The following RAPGEF5 variants were observed in gnomAD, a reference collection of about 807,000 sequenced individuals.
RAPGEF5 encodes M-Ras-regulated GEF.
Under a neutral mutation model 125.2 loss-of-function variants are expected in RAPGEF5, and 65 were observed. The observed-to-expected ratio is 0.52, with a 90% CI of 0.43 to 0.64. RAPGEF5 has a LOEUF of 0.64. Ranked by LOEUF, RAPGEF5 falls within the 30% of genes least tolerant of loss-of-function variation. The pLI is 0.00. For missense variants in RAPGEF5, 958 were observed against 1,048.1 expected, an observed-to-expected ratio of 0.91 and a Z score of 1.19; for synonymous variants, 391 against 385.9, an observed-to-expected ratio of 1.01 and a Z score of -0.16.
At chr7:22,143,655 T>G (rs1409243400) in intron 20 of RAPGEF5, among the ~76,000 whole-genome samples, 2 of 152,228 alleles carry the variant, frequency 1.3e-5, no homozygotes, top group African/African-American at 4.8e-5. Context: ...AATTCCTACC[T>G]GTCACATCCC....
intron 9 of RAPGEF5, among the ~76,000 whole-genome samples, chr7:22,210,195 C>A (rs2128130265): frequency 6.6e-6 from 1 of 152,260 alleles, no homozygotes; most frequent in East Asian, 1.9e-4. Flanking sequence ...TCATCACAAA[C>A]CCCCAATTTG....
chr7:22,184,004 A>G (rs1188930252), intron 11 of RAPGEF5, among the ~76,000 whole-genome samples: 3 of 152,114 alleles, frequency 2.0e-5, no homozygotes, highest in South Asian at 2.1e-4. Context: ...CTAGAACCCT[A>G]TAATACTTTG....
At chr7:22,137,027 G>A in intron 21 of RAPGEF5, 44 bp from the exon 22 acceptor site, 10 of 1,461,134 alleles carry the variant, frequency 6.8e-6, no homozygotes, top group Non-Finnish European at 9.4e-6. Flanking sequence ...CACAGAAGTT[G>A]GTTATTTTCA....
chr7:22,299,216 G>T (rs1317219612), intron 5 of RAPGEF5, among the ~76,000 whole-genome samples: 2 of 151,550 alleles, frequency 1.3e-5, no homozygotes, highest in Non-Finnish European at 2.9e-5. Context: ...AAAATCTATC[G>T]ATATTCCTCT....
chr7:22,155,094 T>A (rs780100975), intron 16 of RAPGEF5, among the ~76,000 whole-genome samples: 20 of 152,226 alleles, frequency 1.3e-4, no homozygotes, highest in Non-Finnish European at 2.5e-4. Context: ...TATTTTGCTA[T>A]TAGAATTCTC....
At chr7:22,157,651 T>A (rs1339949382) in intron 15 of RAPGEF5, among the ~76,000 whole-genome samples, 1 of 152,044 alleles carries the variant, frequency 6.6e-6, no homozygotes, top group East Asian at 1.9e-4. Flanking sequence ...AAGCCAAGGG[T>A]ACACAGCTAA....
chr7:22,167,527 G>A (rs1044476357), intron 11 of RAPGEF5, among the ~76,000 whole-genome samples: 24 of 152,064 alleles, frequency 1.6e-4, no homozygotes, highest in Admixed American at 7.9e-4. Context: ...CAAGTCCTAC[G>A]GGGAATAAAG....
At chr7:22,272,721 A>C (rs1378137952) in intron 6 of RAPGEF5, among the ~76,000 whole-genome samples, 1 of 152,180 alleles carries the variant, frequency 6.6e-6, no homozygotes, top group Non-Finnish European at 1.5e-5. Flanking sequence ...AGAAAAAATA[A>C]ATAAATATGC....
intron 24 of RAPGEF5, among the ~76,000 whole-genome samples, chr7:22,126,100 G>A (rs919461855): frequency 3.3e-5 from 5 of 152,184 alleles, no homozygotes; most frequent in Non-Finnish European, 7.3e-5. Context: ...AGTGAGCCAA[G>A]ATCCCATCAC....
chr7:22,268,407 G>A (rs548234979), intron 6 of RAPGEF5, among the ~76,000 whole-genome samples: 5 of 152,248 alleles, frequency 3.3e-5, no homozygotes, highest in Admixed American at 6.5e-5. Flanking sequence ...GAAAACCTTC[G>A]TAAGTACTGG....
chr7:22,257,084 AT>A (rs753816355), intron 7 of RAPGEF5, among the ~76,000 whole-genome samples: 5 of 152,162 alleles, frequency 3.3e-5, no homozygotes, highest in Non-Finnish European at 7.4e-5. Flanking sequence ...ATTAATGCTC[AT>A]TTTAATAACC....
At chr7:22,293,019 A>G (rs1024249263) in intron 5 of RAPGEF5, among the ~76,000 whole-genome samples, 12 of 152,216 alleles carry the variant, frequency 7.9e-5, no homozygotes, top group Non-Finnish European at 1.6e-4. Context: ...ACTGTCTTTC[A>G]TTGATCTTCC....
intron 15 of RAPGEF5, among the ~76,000 whole-genome samples, chr7:22,157,104 A>C (rs1583424422): frequency 6.6e-6 from 1 of 152,232 alleles, no homozygotes; most frequent in East Asian, 1.9e-4. Context: ...TAAGGCCAGC[A>C]GCAGGCCAAA....
intron 6 of RAPGEF5, 91 bp from the exon 7 acceptor site, chr7:22,267,103 T>C: frequency 8.1e-7 from 1 of 1,231,278 alleles, no homozygotes; most frequent in East Asian, 2.5e-5. Context: ...CCAACCCAAA[T>C]TCAGAGCTGT....
intron 1 of RAPGEF5, among the ~76,000 whole-genome samples, chr7:22,322,295 T>C (rs751346886): frequency 1.3e-5 from 2 of 151,622 alleles, no homozygotes; most frequent in Non-Finnish European, 2.9e-5. Context: ...ACCACCACCA[T>C]GTCCAGCTGA....
intron 7 of RAPGEF5, among the ~76,000 whole-genome samples, chr7:22,250,465 T>C (rs1026054653): frequency 2.0e-5 from 3 of 152,336 alleles, no homozygotes; most frequent in Admixed American, 1.3e-4. Context: ...CTATGGAATA[T>C]TATTTACTTT....
At chr7:22,314,734 CA>C (rs1486893428) in intron 3 of RAPGEF5, 1 of 582,648 alleles carries the variant, frequency 1.7e-6, no homozygotes, top group Non-Finnish European at 2.2e-6. Flanking sequence ...CTTTATCTGG[CA>C]AAACAAAAAG....
rs1469544424 is a variant in RAPGEF5, at chr7:22,151,525, G to A, written c.1787-1021C>T. 3.5e-5 allele frequency among the ~76,000 whole-genome samples: 5 copies of A among 143,144 alleles called. 1 individual carries two copies. Among genetic ancestry groups the A allele is most frequent in the South Asian group, 4.4e-4 (2 of 4,564 alleles). 93.9% of individuals were successfully genotyped at this position (143,144 alleles called of 152,430 possible). A position where few individuals can be genotyped will look rare whatever the true frequency, so the allele number is the denominator to read the frequency against. ...CACCCAGGCTAGAGTGCACTAGTGT[G>A]ATCTCGGCTCACCGCAACCTCTGCC... On this transcript the variant is annotated intron_variant, in intron 17 of 25. Transcript: ENST00000665637.
intron 9 of RAPGEF5, among the ~76,000 whole-genome samples, chr7:22,217,058 T>C (rs541608563): frequency 6.6e-6 from 1 of 152,368 alleles, no homozygotes; most frequent in East Asian, 1.9e-4. Flanking sequence ...TGTGGCATTC[T>C]AGAACTGGAA....
Sources: allele counts gnomAD v4.1 joint callset (sites outside exome capture counted in the v4.1 genomes callset), GRCh38; gene constraint gnomAD v4.1.1; transcripts MANE v1.5; gene names NCBI Gene and HGNC (gene_info 2026-07-23, HGNC 2026-07-21).